MTOR: variants seen among roughly 807,000 people sequenced by gnomAD.
The protein encoded by MTOR is mechanistic target of rapamycin kinase.
In MTOR, 70 loss-of-function variants were observed where a neutral mutation model predicts 319.8. That is an observed-to-expected ratio of 0.22 (90% CI 0.18 to 0.27). The LOEUF is 0.27. MTOR is among the 10% of genes least tolerant of loss of function. MTOR has a pLI of 1.00. For missense variants in MTOR, 1,890 were observed against 3,274.4 expected (o/e 0.58, Z 10.32); for synonymous variants, 1,183 against 1,211.4 (o/e 0.98, Z 0.49).
chr1:11,135,208 C>A (rs1570959288), intron 36 of MTOR, among the ~76,000 whole-genome samples: 1 of 152,130 alleles, frequency 6.6e-6, no homozygotes. Context: ...TCCAGTTGAA[C>A]CAGCATCTTG....
intron 19 of MTOR, among the ~76,000 whole-genome samples, chr1:11,225,165 G>C (rs1646789101): frequency 6.6e-6 from 1 of 151,890 alleles, no homozygotes; most frequent in Non-Finnish European, 1.5e-5. Context: ...AAAAATCAAT[G>C]AATTTTACGG....
At position 11,212,300 on chromosome 1, in the gene MTOR, C is replaced by G. The variant is rs750585163; in HGVS notation, c.3561+12G>C. The G allele has an allele frequency of 9.9e-6, 16 of 1,611,528 alleles. No individual in the cohort carries two copies. The highest frequency in any genetic ancestry group is 1.4e-5 in the Non-Finnish European group (16 of 1,178,692). On this transcript the variant is annotated intron_variant, in intron 23 of 57. Coordinates refer to ENST00000361445, the MANE Select transcript of MTOR (RefSeq NM_004958.4). This position sits in a 1 kb window ranked among gnomAD's most constrained non-coding sequence, Gnocchi z 4.1. The stretch of plus-strand genomic sequence containing the variant: ...GCAGAAGAGCACCTGTCTGTCCAGA[C>G]TCCCATCTTACCTTCTTCCCCAGCT...
At chr1:11,241,381 T>C (rs1053658609) in intron 10 of MTOR, among the ~76,000 whole-genome samples, 172 bp downstream of exon 10, 2 of 147,726 alleles carry the variant, frequency 1.4e-5, no homozygotes, top group East Asian at 2.0e-4. Flanking sequence ...CAAGATCATA[T>C]AGAAAGCTAG....
chr1:11,230,356 G>A (rs1646976540), intron 18 of MTOR, among the ~76,000 whole-genome samples: 1 of 152,076 alleles, frequency 6.6e-6, no homozygotes, highest in South Asian at 2.1e-4. Flanking sequence ...GGAGGCAGAG[G>A]TTGCAGTGCT....
chr1:11,157,590 C>T lies in MTOR; in HGVS notation c.4330-299G>A, dbSNP rs1490228828. 2.0e-5 allele frequency among the ~76,000 whole-genome samples: 3 copies of T among 152,292 alleles called. No homozygotes were observed. In the East Asian group the frequency reaches 5.8e-4, roughly 29 times the overall value. On this transcript the variant is annotated intron_variant, in intron 29 of 57. Transcript: ENST00000361445. ...CCCAGACACATGGGTCATCAGAACA[C>T]ACCAGGATGTGCGGACACGAGGACA...
chr1:11,167,577 G>A, intron 28 of MTOR, 60 bp from the exon 29 acceptor site: 1 of 1,384,896 alleles, frequency 7.2e-7, no homozygotes, highest in Non-Finnish European at 1.0e-6. Flanking sequence ...GGAGATGTGG[G>A]GGTCATTTGT....
Position 11,109,864 on chromosome 1 carries a change from G to T in MTOR, c.7367-135C>A. The T allele has an allele frequency of 1.4e-6, 1 of 705,942 alleles. No homozygotes were observed. The highest frequency in any genetic ancestry group is 2.4e-6 in the Non-Finnish European group (1 of 412,718). The allele number at this position is 705,942 out of a possible 1,614,324, so 43.7% of individuals were successfully genotyped here. ...CCCTAAAGGGGAAAAGAGAAGGAAA[G>T]TTTTATGTTACTCTTTATGTATTTC... On this transcript the variant is annotated intron_variant, in intron 54 of 57. Coordinates refer to ENST00000361445, the MANE Select transcript of MTOR (RefSeq NM_004958.4). The surrounding 1 kb of genome is among the most constrained non-coding windows in gnomAD (Gnocchi z 4.0).
intron 19 of MTOR, among the ~76,000 whole-genome samples, chr1:11,219,001 A>C (rs896989305): frequency 7.0e-6 from 1 of 143,394 alleles, no homozygotes; most frequent in African/African-American, 2.8e-5. Flanking sequence ...CCGAGCTCAG[A>C]AGTTTAAGAC....
intron 6 of MTOR, among the ~76,000 whole-genome samples, chr1:11,251,651 G>GTTTTTTTTTT (rs1649694947): frequency 7.6e-6 from 1 of 130,824 alleles, no homozygotes; most frequent in African/African-American, 3.0e-5. Flanking sequence ...TATTTAGATA[G>GTTTTTTTTTT]TTTCTTTTTT....
intron 28 of MTOR, among the ~76,000 whole-genome samples, chr1:11,171,545 T>C (rs1644814229): frequency 6.6e-6 from 1 of 151,880 alleles, no homozygotes; most frequent in Non-Finnish European, 1.5e-5. Context: ...CCTAATCCAC[T>C]CTCCCAATTA....
In MTOR at chr1:11,204,614, C is replaced by T. The variant is rs760560620; in HGVS notation, c.3891G>A (p.Ser1297=). 3.7e-6 allele frequency: 6 copies of T among 1,614,072 alleles called. No individual in the cohort carries two copies. Among genetic ancestry groups the T allele is most frequent in the Admixed American group, 3.3e-5 (2 of 60,010 alleles). The change falls in exon 26 of 58, where the codon TCG becomes TCA. Residue 1297 remains serine (S), a synonymous_variant. Transcript: ENST00000361445. ...GGGCCCAGCAGGAGCGCAGGGAGGG[C>T]GATGATGAGTCCTTCAGCAGCTCCA... The part of the protein sequence containing the change: ...LSLELLKDSS[S]PSLRSCWALA...
intron 5 of MTOR, among the ~76,000 whole-genome samples, chr1:11,255,544 T>C (rs1650276692): frequency 6.6e-6 from 1 of 152,150 alleles, no homozygotes; most frequent in Non-Finnish European, 1.5e-5. Context: ...TATTGATTCA[T>C]ACTGAGCATA....
chr1:11,171,973 T>C (rs988236009), intron 28 of MTOR, among the ~76,000 whole-genome samples: 5 of 147,974 alleles, frequency 3.4e-5, no homozygotes, highest in Non-Finnish European at 7.4e-5. Flanking sequence ...AAGGTTGCAG[T>C]GAGCCAAGAT....
intron 28 of MTOR, among the ~76,000 whole-genome samples, chr1:11,185,185 G>C (rs866381276): frequency 4.0e-5 from 6 of 151,770 alleles, no homozygotes; most frequent in Non-Finnish European, 8.8e-5. Context: ...CAGAATAATC[G>C]CTGGATTGTG....
intron 32 of MTOR, among the ~76,000 whole-genome samples, chr1:11,145,649 G>A (rs1401377834): frequency 4.0e-5 from 6 of 151,458 alleles, no homozygotes; most frequent in South Asian, 2.1e-4. Flanking sequence ...GGTTACAGGC[G>A]CCCGCCACCA....
At chr1:11,241,006 T>C (rs6661859) in intron 10 of MTOR, among the ~76,000 whole-genome samples, 92,710 of 151,564 alleles carry the variant, frequency 0.61, 31,408 homozygotes, top group East Asian at 0.87. Flanking sequence ...AGAATTACTA[T>C]TGCACCCACT....
chr1:11,224,423 T>C (rs1646765039), intron 19 of MTOR, among the ~76,000 whole-genome samples: 1 of 152,128 alleles, frequency 6.6e-6, no homozygotes, highest in Non-Finnish European at 1.5e-5. Flanking sequence ...ATCTCAAAGA[T>C]ACATAAAACA....
At position 11,257,273 on chromosome 1, in the gene MTOR, A is replaced by G. The variant is rs1650521911; in HGVS notation, c.272-108T>C. 3.3e-6 allele frequency: 3 copies of G among 916,600 alleles called. No individual in the cohort carries two copies. The Admixed American group carries it at 6.4e-5, about 20-fold the overall frequency. 56.8% of individuals were successfully genotyped at this position (916,600 alleles called of 1,614,324 possible). A position where few individuals can be genotyped will look rare whatever the true frequency, so the allele number is the denominator to read the frequency against. On this transcript the variant is annotated intron_variant, in intron 3 of 57. Transcript: ENST00000361445. ...AGTGCCGGCCAGGCACGGTGGCTCA[A>G]GTCTGTAATCCTAGCACTTTGGGAG...
chr1:11,149,725 C>T lies in MTOR; in HGVS notation c.4570+401G>A, dbSNP rs184689679. 7.5e-3 allele frequency among the ~76,000 whole-genome samples: 1,136 copies of T among 152,188 alleles called. 12 individuals carry two copies. Among genetic ancestry groups the T allele is most frequent in the Non-Finnish European group, 9.0e-3 (610 of 68,002 alleles). ...GGGACGAGCCCTTAACCTGTGGGATCTGATGCTATTTCCAAGTAGATAGGG... is the reference window on the plus strand; with the variant it reads ...GGGACGAGCCCTTAACCTGTGGGATTTGATGCTATTTCCAAGTAGATAGGG... On this transcript the variant is annotated intron_variant, in intron 31 of 57. Coordinates refer to ENST00000361445, the MANE Select transcript of MTOR (RefSeq NM_004958.4).
Sources: gnomAD v4.1 joint callset for allele counts (sites outside exome capture counted in the v4.1 genomes callset) on GRCh38, gnomAD v4.1.1 for gene constraint, Gnocchi (gnomAD v3.1) non-coding constraint, MANE v1.5 for transcripts, NCBI Gene and HGNC (gene_info 2026-07-23, HGNC 2026-07-21) for gene names.